Variants in NIPAL3 observed in about 807,000 individuals in gnomAD.
The protein encoded by NIPAL3 is NIPA-like protein 3.
Under a neutral mutation model 47.2 loss-of-function variants are expected in NIPAL3, and 41 were observed. That is an observed-to-expected ratio of 0.87 (90% CI 0.68 to 1.13). The LOEUF is 1.13. NIPAL3 is among the 50% of genes most tolerant of loss of function. NIPAL3 has a pLI of 0.00. For missense variants in NIPAL3, 449 were observed against 530.1 expected, an observed-to-expected ratio of 0.85 and a Z score of 1.50; for synonymous variants, 194 against 209.6, an observed-to-expected ratio of 0.93 and a Z score of 0.64.
At chr1:24,434,026 A>C (rs1474610611) in intron 2 of NIPAL3, among the ~76,000 whole-genome samples, 3 of 152,154 alleles carry the variant, frequency 2.0e-5, no homozygotes, top group Non-Finnish European at 4.4e-5. Flanking sequence ...AGAGGGCAGT[A>C]ATGGAGGAAT....
Position 24,449,600 on chromosome 1 carries a change from G to A in NIPAL3, c.514G>A (p.Val172Met), listed in dbSNP as rs779192354. The change falls in exon 6 of 12, where the codon GTG (valine) becomes ATG (methionine). Residue 172 changes from valine to methionine, a missense_variant. By Grantham distance (21) the Val-to-Met change is conservative. Coordinates refer to ENST00000374399, the MANE Select transcript of NIPAL3 (RefSeq NM_020448.5). The surrounding 1 kb of genome is among the most constrained non-coding windows in gnomAD (Gnocchi z 4.5). ...MTGENVTRHL[V>M]SWPFLLYMLV... ...AGGCGAGAATGTCACCAGGCACCTCGTGAGCTGGCCTTTCCTTTTGTACAT... is the reference window on the plus strand; with the variant it reads ...AGGCGAGAATGTCACCAGGCACCTCATGAGCTGGCCTTTCCTTTTGTACAT... The A allele has an allele frequency of 1.2e-6, 2 of 1,613,718 alleles. No individual in the cohort carries two copies. Among genetic ancestry groups the A allele is most frequent in the African/African-American group, 1.3e-5 (1 of 74,898 alleles).
intron 2 of NIPAL3, chr1:24,420,165 A>C (rs552529435): frequency 6.6e-6 from 1 of 152,426 alleles, no homozygotes; most frequent in Admixed American, 6.5e-5. Context: ...GGTATAGAAT[A>C]AAAGGAATGC....
intron 2 of NIPAL3, among the ~76,000 whole-genome samples, chr1:24,423,280 G>A (rs1017716017): frequency 2.0e-5 from 3 of 152,174 alleles, no homozygotes; most frequent in Non-Finnish European, 4.4e-5. Flanking sequence ...TTTTCCCTGG[G>A]CCTTAATTTA....
chr1:24,440,046 G>A (rs1019621556), intron 2 of NIPAL3, 126 bp from the exon 3 acceptor site: 1 of 558,948 alleles, frequency 1.8e-6, no homozygotes, highest in Non-Finnish European at 3.1e-6. Context: ...TCTGGAGTGT[G>A]GCTTTGTCAC....
chr1:24,428,216 A>G lies in NIPAL3; in HGVS notation c.93+8576A>G, dbSNP rs190337514. 1.8e-4 allele frequency among the ~76,000 whole-genome samples: 27 copies of G among 148,840 alleles called. No individual in the cohort carries two copies. The East Asian group carries it at 4.2e-3, about 23-fold the overall frequency. ...GATCACGTCACTGCATTCCAGCCTC[A>G]TTCCAGCCTGGCTGACAGAGCGAGA... is the stretch of plus-strand genomic sequence containing the variant. On this transcript the variant is annotated intron_variant, in intron 2 of 11. Coordinates refer to ENST00000374399, the MANE Select transcript of NIPAL3 (RefSeq NM_020448.5).
rs1360813952 is a variant in NIPAL3, at chr1:24,451,017, G to C, written c.540+1391G>C. Among the ~76,000 whole-genome samples the C allele has an allele frequency of 6.6e-6, 1 of 152,220 alleles. No individual in the cohort carries two copies. The highest frequency in any genetic ancestry group is 6.5e-5 in the Admixed American group (1 of 15,288). ...TTTCACTCAGAGGATTGAAGCCCAA[G>C]ACTTCCTAAGTGCTGTGTGGCCTTA... On this transcript the variant is annotated intron_variant, in intron 6 of 11. Transcript: ENST00000374399. The surrounding 1 kb of genome is among the most constrained non-coding windows in gnomAD (Gnocchi z 4.5).
At chr1:24,433,787 T>G (rs1644982150) in intron 2 of NIPAL3, among the ~76,000 whole-genome samples, 1 of 151,312 alleles carries the variant, frequency 6.6e-6, no homozygotes, top group Non-Finnish European at 1.5e-5. Context: ...TTAAGAAATC[T>G]GTGACAATAA....
intron 2 of NIPAL3, chr1:24,421,895 C>G (rs1049266662): frequency 6.6e-6 from 1 of 152,182 alleles, no homozygotes; most frequent in Non-Finnish European, 1.5e-5. Flanking sequence ...AATTTAAACC[C>G]GGGTCAGACC....
At position 24,449,682 on chromosome 1, in the gene NIPAL3, A is replaced by C; in HGVS notation, c.540+56A>C. The C allele has an allele frequency of 3.8e-6, 6 of 1,562,672 alleles. No homozygotes were observed. The highest frequency in any genetic ancestry group is 5.2e-6 in the Non-Finnish European group (6 of 1,152,330). On this transcript the variant is annotated intron_variant, in intron 6 of 11. Coordinates refer to ENST00000374399, the MANE Select transcript of NIPAL3 (RefSeq NM_020448.5). The surrounding 1 kb of genome is among the most constrained non-coding windows in gnomAD (Gnocchi z 4.5). ...GATGGCAGGAGGGAGATCAAGTCCTAGAAACCAGAAACGTGAATACCCAGC... is the reference window on the plus strand; with the variant it reads ...GATGGCAGGAGGGAGATCAAGTCCTCGAAACCAGAAACGTGAATACCCAGC...
intron 2 of NIPAL3, among the ~76,000 whole-genome samples, chr1:24,434,758 T>G (rs1245893636): frequency 6.6e-6 from 1 of 152,126 alleles, no homozygotes; most frequent in Non-Finnish European, 1.5e-5. Flanking sequence ...TGGAATGAAA[T>G]TAAAAATCAA....
chr1:24,418,445 C>T (rs1644160721), intron 1 of NIPAL3, among the ~76,000 whole-genome samples: 1 of 151,988 alleles, frequency 6.6e-6, no homozygotes, highest in Non-Finnish European at 1.5e-5. Flanking sequence ...AGCCTGATAA[C>T]ATGGCGAAAC....
Position 24,460,475 on chromosome 1 carries a change from C to T in NIPAL3, c.863-6C>T, listed in dbSNP as rs368016506. The T allele has an allele frequency of 1.3e-5, 20 of 1,586,818 alleles. No homozygotes were observed. The highest frequency in any genetic ancestry group is 1.5e-5 in the Non-Finnish European group (18 of 1,169,062). On this transcript the variant is annotated splice_region_variant and splice_polypyrimidine_tract_variant and intron_variant, in intron 9 of 11. Transcript: ENST00000374399. Reference sequence around the variant, plus strand: ...CAGCGGTATTTTCTATGATTTGCTGCTGCAGGTGCAATATTTTACCTGGAC... The same window carrying T: ...CAGCGGTATTTTCTATGATTTGCTGTTGCAGGTGCAATATTTTACCTGGAC...
At chr1:24,415,759 C>A, upstream of NIPAL3, 1 of 860,664 alleles carries the variant, frequency 1.2e-6, no homozygotes, top group Non-Finnish European at 1.4e-6. Context: ...CAAATCAAAT[C>A]GCGACCTTTG....
At chr1:24,423,107 A>G (rs1367578610) in intron 2 of NIPAL3, among the ~76,000 whole-genome samples, 3 of 152,244 alleles carry the variant, frequency 2.0e-5, no homozygotes, top group Non-Finnish European at 4.4e-5. Flanking sequence ...TCTTGACTTC[A>G]GAGGAAATTC....
rs2148728464 is a variant in NIPAL3, at chr1:24,415,807, G to A, written c.-355G>A. 3 of 983,928 alleles carry A rather than the reference G, an allele frequency of 3.0e-6. No homozygotes were observed. Among genetic ancestry groups the A allele is most frequent in the Non-Finnish European group, 3.6e-6 (3 of 828,540 alleles). 60.9% of individuals were successfully genotyped at this position (983,928 alleles called of 1,614,324 possible). A position where few individuals can be genotyped will look rare whatever the true frequency, so the allele number is the denominator to read the frequency against. On this transcript the variant is annotated 5_prime_UTR_variant, in exon 1 of 12. Coordinates refer to ENST00000374399, the MANE Select transcript of NIPAL3 (RefSeq NM_020448.5). ...TGCAGCATCTTGGCAGCTCTGAATT[G>A]GGAAGGGATGAAGGAGGCTGTGCCT...
chr1:24,419,315 A>AC lies in NIPAL3; in HGVS notation c.-229dup, dbSNP rs1644205283. 1.6e-6 allele frequency: 2 copies of AC among 1,244,662 alleles called. No individual in the cohort carries two copies. The highest frequency in any genetic ancestry group is 5.2e-5 in the South Asian group (2 of 38,234). The allele number at this position is 1,244,662 out of a possible 1,614,324, so 77.1% of individuals were successfully genotyped here. On this transcript the variant is annotated 5_prime_UTR_variant, in exon 2 of 12. It introduces an in-frame stop codon into an upstream open reading frame of the 5' UTR. Coordinates refer to ENST00000374399, the MANE Select transcript of NIPAL3 (RefSeq NM_020448.5). ...GAGCACCGCAAGAACTGGAAAACAC[A>AC]CCCCTCTCTGTCTGCCTGGGAGAGC...
At chr1:24,440,962 C>T (rs1230281350) in intron 3 of NIPAL3, among the ~76,000 whole-genome samples, 3 of 152,192 alleles carry the variant, frequency 2.0e-5, no homozygotes, top group Non-Finnish European at 4.4e-5. Flanking sequence ...ATGAATGCAC[C>T]TTTCATCTCT....
At chr1:24,458,506 G>A (rs1438071250) in intron 8 of NIPAL3, among the ~76,000 whole-genome samples, 2 of 152,024 alleles carry the variant, frequency 1.3e-5, no homozygotes, top group African/African-American at 4.8e-5. Flanking sequence ...AACGTGATTA[G>A]TGCTGTAAGA....
chr1:24,419,437 C>T lies in NIPAL3; in HGVS notation c.-111C>T. The stretch of plus-strand genomic sequence containing the variant: ...TTCTTTTGTCATGAGGAAGTGACGG[C>T]TGCTGGAGGGAGGTGAACACCACAA... On this transcript the variant is annotated 5_prime_UTR_variant, in exon 2 of 12. Coordinates refer to ENST00000374399, the MANE Select transcript of NIPAL3 (RefSeq NM_020448.5). The T allele has an allele frequency of 7.3e-7, 1 of 1,378,334 alleles. No individual in the cohort carries two copies. Among genetic ancestry groups the T allele is most frequent in the Non-Finnish European group, 9.4e-7 (1 of 1,062,258 alleles). The allele number at this position is 1,378,334 out of a possible 1,614,324, so 85.4% of individuals were successfully genotyped here.
Sources: allele counts gnomAD v4.1 joint callset (sites outside exome capture counted in the v4.1 genomes callset), GRCh38; gene constraint gnomAD v4.1.1; non-coding constraint Gnocchi (gnomAD v3.1); transcripts MANE v1.5; gene names NCBI Gene and HGNC (gene_info 2026-07-23, HGNC 2026-07-21).